CNTN5: variants seen among roughly 807,000 people sequenced by gnomAD.
CNTN5 encodes the protein contactin-5.
A neutral mutation model predicts 129.1 loss-of-function variants in CNTN5; 77 were observed. The observed-to-expected ratio is 0.60, with a 90% CI of 0.50 to 0.72. The LOEUF (loss-of-function observed/expected upper bound fraction) is 0.72, where lower values mean the gene tolerates loss of function less well. Ranked by LOEUF, CNTN5 falls within the 30% of genes least tolerant of loss-of-function variation. CNTN5 has a pLI of 0.00. For synonymous variants in CNTN5, 509 were observed against 465.6 expected, an observed-to-expected ratio of 1.09 and a Z score of -1.20; for missense variants, 1,478 against 1,328.8, an observed-to-expected ratio of 1.11 and a Z score of -1.75.
chr11:99,619,851 C>T (rs905054991), intron 3 of CNTN5, among the ~76,000 whole-genome samples: 1 of 151,648 alleles, frequency 6.6e-6, no homozygotes, highest in African/African-American at 2.4e-5. Flanking sequence ...ACGCTGAAAC[C>T]CTGTCTCTAC....
rs191416868 is a variant in CNTN5 at position 100,106,062 on chromosome 11, T to G, written c.1580+31768T>G. 7.2e-5 allele frequency among the ~76,000 whole-genome samples: 11 copies of G among 152,296 alleles called. No individual in the cohort carries two copies. In the East Asian group the frequency reaches 2.1e-3, roughly 29 times the overall value. ...TGAATGAACATGATTTCAGCTCCTG[T>G]AAAGTTCAAACCAGTGCTGCTGATC... On this transcript the variant is annotated intron_variant, in intron 13 of 24. Transcript: ENST00000524871.
intron 9 of CNTN5, among the ~76,000 whole-genome samples, chr11:100,035,047 T>A (rs1426684237): frequency 6.6e-6 from 1 of 152,174 alleles, no homozygotes; most frequent in Non-Finnish European, 1.5e-5. Context: ...TGGATCCATG[T>A]GCCATGTTGG....
intron 2 of CNTN5, among the ~76,000 whole-genome samples, chr11:99,536,796 C>A (rs1305897684): frequency 7.3e-6 from 1 of 137,766 alleles, no homozygotes. Flanking sequence ...AATAGAAATA[C>A]AAAAAGAGTC....
At chr11:99,390,162 G>A (rs1941183356) in intron 2 of CNTN5, among the ~76,000 whole-genome samples, 1 of 150,846 alleles carries the variant, frequency 6.6e-6, no homozygotes. Flanking sequence ...CTGTTGCCCA[G>A]GTTCGAGAAC....
chr11:99,271,977 C>T (rs975238878), intron 1 of CNTN5, among the ~76,000 whole-genome samples: 34 of 151,934 alleles, frequency 2.2e-4, no homozygotes, highest in Non-Finnish European at 4.6e-4. Flanking sequence ...GGGAATTAGT[C>T]TCCACTGGTA....
intron 3 of CNTN5, among the ~76,000 whole-genome samples, chr11:99,780,440 T>C (rs1311484589): frequency 6.6e-6 from 1 of 151,976 alleles, no homozygotes; most frequent in Non-Finnish European, 1.5e-5. Context: ...AACGACACTT[T>C]AAATGAGAAA....
intron 21 of CNTN5, among the ~76,000 whole-genome samples, chr11:100,336,041 T>C (rs1197715439): frequency 6.6e-6 from 1 of 152,160 alleles, no homozygotes; most frequent in Admixed American, 6.5e-5. Context: ...TAAAAATCAT[T>C]CACAAACCTA....
At chr11:100,202,266 T>C (rs1591387809) in intron 15 of CNTN5, among the ~76,000 whole-genome samples, 1 of 151,978 alleles carries the variant, frequency 6.6e-6, no homozygotes, top group East Asian at 1.9e-4. Context: ...CAAGATCACA[T>C]TTTTAATTTC....
intron 3 of CNTN5, among the ~76,000 whole-genome samples, chr11:99,663,829 A>C (rs1565402941): frequency 6.6e-6 from 1 of 152,136 alleles, no homozygotes; most frequent in African/African-American, 2.4e-5. Flanking sequence ...TTTTCTTTAT[A>C]CTTACCCAGT....
chr11:99,257,242 G>C (rs1418256148), intron 1 of CNTN5, among the ~76,000 whole-genome samples: 1 of 152,078 alleles, frequency 6.6e-6, no homozygotes, highest in African/African-American at 2.4e-5. Context: ...CTCTGGAAAA[G>C]GTGCCATGTG....
chr11:100,063,098 G>A (rs552754066), intron 10 of CNTN5, among the ~76,000 whole-genome samples: 25 of 152,190 alleles, frequency 1.6e-4, no homozygotes, highest in African/African-American at 4.1e-4. Context: ...CTCTGTGTTC[G>A]AAGAATGGCC....
At chr11:99,427,412 A>G (rs116108310) in intron 2 of CNTN5, among the ~76,000 whole-genome samples, 2,378 of 152,262 alleles carry the variant, frequency 0.016, 63 homozygotes, top group African/African-American at 0.055. Context: ...GGCCTTCTCA[A>G]AGGGGAGAGA....
chr11:100,045,126 TTCTA>T (rs1942600421), intron 9 of CNTN5, among the ~76,000 whole-genome samples: 1 of 152,000 alleles, frequency 6.6e-6, no homozygotes, highest in Non-Finnish European at 1.5e-5. Flanking sequence ...ACTTTTTTTT[TTCTA>T]TTCATTCTCG....
At chr11:99,704,285 A>C (rs1014563378) in intron 3 of CNTN5, among the ~76,000 whole-genome samples, 2 of 151,060 alleles carry the variant, frequency 1.3e-5, no homozygotes, top group African/African-American at 2.4e-5. Context: ...ACAGGAACTT[A>C]TTAAATGCCA....
At chr11:99,696,713 G>A (rs563021046) in intron 3 of CNTN5, among the ~76,000 whole-genome samples, 2 of 151,554 alleles carry the variant, frequency 1.3e-5, no homozygotes, top group Non-Finnish European at 2.9e-5. Context: ...AAAGAAAACA[G>A]TTCCATGTTT....
At chr11:99,270,143 T>C (rs1391837756) in intron 1 of CNTN5, among the ~76,000 whole-genome samples, 1 of 151,876 alleles carries the variant, frequency 6.6e-6, no homozygotes, top group Non-Finnish European at 1.5e-5. Flanking sequence ...ATTTTTGTGT[T>C]TTATTTCATT....
chr11:99,432,944 G>T (rs1020308458), intron 2 of CNTN5, among the ~76,000 whole-genome samples: 2 of 150,580 alleles, frequency 1.3e-5, no homozygotes, highest in African/African-American at 4.9e-5. Flanking sequence ...AGAGGAAGGA[G>T]GCAGTAGCTA....
chr11:100,024,854 C>T (rs34703485), intron 9 of CNTN5, among the ~76,000 whole-genome samples: 10,798 of 152,132 alleles, frequency 0.071, 488 homozygotes, highest in East Asian at 0.17. Context: ...TATGCCTTCA[C>T]AAATAGATGG....
intron 3 of CNTN5, among the ~76,000 whole-genome samples, chr11:99,744,031 A>C (rs753660990): frequency 6.6e-6 from 1 of 152,096 alleles, no homozygotes; most frequent in Non-Finnish European, 1.5e-5. Context: ...AAAAATTTCA[A>C]CCCTTAAAAA....
Sources: gnomAD v4.1 joint callset for allele counts (sites outside exome capture counted in the v4.1 genomes callset) on GRCh38, gnomAD v4.1.1 for gene constraint, MANE v1.5 for transcripts, NCBI Gene and HGNC (gene_info 2026-07-23, HGNC 2026-07-21) for gene names.